SLC34A1: variants seen among roughly 807,000 people sequenced by gnomAD.
The protein encoded by SLC34A1 is sodium-dependent phosphate transport protein 2A.
In SLC34A1, 57 loss-of-function variants were observed where a neutral mutation model predicts 51.4. The ratio of observed to expected loss-of-function variants is 1.11; its 90% CI spans 0.90 to 1.38. SLC34A1 has a LOEUF of 1.38. Ranked by LOEUF, SLC34A1 falls within the 40% of genes most tolerant of loss-of-function variation. The pLI is 0.00. For synonymous variants in SLC34A1, 368 were observed against 358.0 expected, an observed-to-expected ratio of 1.03 and a Z score of -0.32; for missense variants, 796 against 835.6, an observed-to-expected ratio of 0.95 and a Z score of 0.58.
In SLC34A1 at chr5:177,386,498, T is replaced by G; in HGVS notation, c.464T>G (p.Leu155Arg). ...NPVAGLVVGI[L>R]VTVLVQSSST... Reference sequence around the variant, plus strand: ...GTGGCCGGGCTGGTGGTGGGGATCCTGGTGACCGTGCTGGTGCAGAGCTCC... The same window carrying G: ...GTGGCCGGGCTGGTGGTGGGGATCCGGGTGACCGTGCTGGTGCAGAGCTCC... The change falls in exon 5 of 13, where the codon CTG becomes CGG. Residue 155 changes from leucine (L) to arginine (R), a missense_variant. Coordinates refer to ENST00000324417, the MANE Select transcript of SLC34A1 (RefSeq NM_003052.5). This position sits in a 1 kb window ranked among gnomAD's most constrained non-coding sequence, Gnocchi z 4.8. The G allele has an allele frequency of 1.2e-6, 2 of 1,614,200 alleles. No individual in the cohort carries two copies. The highest frequency in any genetic ancestry group is 1.7e-6 in the Non-Finnish European group (2 of 1,180,030).
At position 177,393,692 on chromosome 5, in the gene SLC34A1, A is replaced by C. The variant is rs754825865; in HGVS notation, c.937-2A>C. On this transcript the variant is annotated splice_acceptor_variant, in intron 8 of 12. Coordinates refer to ENST00000324417, the MANE Select transcript of SLC34A1 (RefSeq NM_003052.5). LOFTEE classifies it high-confidence loss of function. ...CACTAAGTCACCCTCCTCCTGATCT[A>C]GGCTCCCACCTCCATGTCCAGAGCA... is the stretch of plus-strand genomic sequence containing the variant. 53 of 1,613,978 alleles carry C rather than the reference A, an allele frequency of 3.3e-5. 1 individual carries two copies. In the South Asian group the frequency reaches 5.7e-4, roughly 17 times the overall value.
In SLC34A1 at chr5:177,387,825, A is replaced by G. The variant is rs1232903063; in HGVS notation, c.596A>G (p.Asn199Ser). ...TCCAACATCGGCACCTCTGTCACCA[A>G]CACCATCGTGGCCCTGATGCAGGCG... The part of the protein sequence containing the change: ...MGSNIGTSVT[N>S]TIVALMQAGD... The change falls in exon 6 of 13, where the codon AAC (asparagine) becomes AGC (serine). Residue 199 changes from asparagine (N) to serine (S), a missense_variant. Transcript: ENST00000324417. 2 of 1,598,930 alleles carry G rather than the reference A, an allele frequency of 1.3e-6. No individual in the cohort carries two copies. Among genetic ancestry groups the G allele is most frequent in the Non-Finnish European group, 1.7e-6 (2 of 1,173,486 alleles).
chr5:177,394,217 G>A, intron 10 of SLC34A1, 22 bp downstream of exon 10: 1 of 1,613,474 alleles, frequency 6.2e-7, no homozygotes. Flanking sequence ...GCAGTTGACT[G>A]GGCAGGGCCA....
chr5:177,393,589 C>T (rs1762873532), intron 8 of SLC34A1, 105 bp from the exon 9 acceptor site: 5 of 1,039,722 alleles, frequency 4.8e-6, no homozygotes, highest in African/African-American at 1.6e-5. Flanking sequence ...GGTCACAGAG[C>T]AGGAGGCCCA....
chr5:177,386,621 G>C lies in SLC34A1; in HGVS notation c.532+55G>C. 1 of 1,607,606 alleles carries C rather than the reference G, an allele frequency of 6.2e-7. No homozygotes were observed. The highest frequency in any genetic ancestry group is 8.5e-7 in the Non-Finnish European group (1 of 1,177,604). ...CTTGGAGGGGCACCCCAGGAGCTGGGAAGGGTGGCAAATGGGGAGCGTGAC... is the reference window on the plus strand; with the variant it reads ...CTTGGAGGGGCACCCCAGGAGCTGGCAAGGGTGGCAAATGGGGAGCGTGAC... On this transcript the variant is annotated intron_variant, in intron 5 of 12. Transcript: ENST00000324417. The surrounding 1 kb of genome is among the most constrained non-coding windows in gnomAD (Gnocchi z 4.8).
chr5:177,394,116 C>T lies in SLC34A1; in HGVS notation c.1095C>T (p.Cys365=). The T allele has an allele frequency of 6.2e-7, 1 of 1,614,054 alleles. No individual in the cohort carries two copies. The highest frequency in any genetic ancestry group is 8.5e-7 in the Non-Finnish European group (1 of 1,179,976). ...GATCCCTGGTGCTGCTGTGCACCTG[C>T]CTCATCCTCCTAGTCAAGATGCTCA... The part of the protein sequence containing the change: ...LAGSLVLLCT[C]LILLVKMLNS... The change falls in exon 10 of 13, where the codon TGC becomes TGT. Residue 365 remains cysteine (C), a synonymous_variant. Coordinates refer to ENST00000324417, the MANE Select transcript of SLC34A1 (RefSeq NM_003052.5).
chr5:177,389,924 A>G, intron 8 of SLC34A1: 1 of 1,422,562 alleles, frequency 7.0e-7, no homozygotes, highest in Non-Finnish European at 9.2e-7. Context: ...CGCTTTCTGC[A>G]GGGCAGGGTC....
chr5:177,397,683 G>A lies in SLC34A1; in HGVS notation c.1417-100G>A, dbSNP rs1416717409. The A allele has an allele frequency of 2.6e-6, 4 of 1,526,354 alleles. No individual in the cohort carries two copies. The Admixed American group carries it at 5.0e-5, about 19-fold the overall frequency. 94.6% of individuals were successfully genotyped at this position (1,526,354 alleles called of 1,614,324 possible). ...ACCCCTAAGTGGAAACTTTCCTGCTGCCCAGACCAGATCGGGGTTCCTATC... is the reference window on the plus strand; with the variant it reads ...ACCCCTAAGTGGAAACTTTCCTGCTACCCAGACCAGATCGGGGTTCCTATC... On this transcript the variant is annotated intron_variant, in intron 12 of 12. Transcript: ENST00000324417.
intron 10 of SLC34A1, 64 bp downstream of exon 10, chr5:177,394,259 C>T: frequency 6.6e-7 from 1 of 1,511,836 alleles, no homozygotes; most frequent in Non-Finnish European, 9.2e-7. Flanking sequence ...CTGCTAAGTC[C>T]TGTGACTGCC....
At position 177,396,320 on chromosome 5, in the gene SLC34A1, G is replaced by C. The variant is rs992904940; in HGVS notation, c.1175-413G>C. On this transcript the variant is annotated intron_variant, in intron 10 of 12. Transcript: ENST00000324417. The surrounding 1 kb of genome is among the most constrained non-coding windows in gnomAD (Gnocchi z 4.0). ...CCCATCAAAGGCACAGTTGCCTGAC[G>C]GAGCCAGGCTGAGAAAGGCCTTCAA... 2.0e-5 allele frequency among the ~76,000 whole-genome samples: 3 copies of C among 152,200 alleles called. No homozygotes were observed. The highest frequency in any genetic ancestry group is 1.3e-4 in the Admixed American group (2 of 15,290).
rs951100643 is a variant in SLC34A1 at position 177,389,843 on chromosome 5, T to G, written c.936+1471T>G. On this transcript the variant is annotated intron_variant, in intron 8 of 12. Transcript: ENST00000324417. The stretch of plus-strand genomic sequence containing the variant: ...TGGGGAGGCCGCCCTTGGGCCTTTC[T>G]CTACGGCTGCAGCTGACACTTGTCC... The G allele has an allele frequency of 3.4e-6, 5 of 1,484,278 alleles. No homozygotes were observed. The African/African-American group carries it at 5.6e-5, about 17-fold the overall frequency. 91.9% of individuals were successfully genotyped at this position (1,484,278 alleles called of 1,614,324 possible).
rs1047240450 is a variant in SLC34A1, at chr5:177,385,775, G to A, written c.34G>A (p.Ala12Thr). ...LSYGERLGSPAVSPLPVRGGH... is the reference protein window; with the variant it reads ...LSYGERLGSPTVSPLPVRGGH... ...CTACGGAGAGAGGCTGGGGTCCCCT[G>A]CTGTCTCCCCACTCCCAGTCCGTGG... Residue 12 changes from alanine (A) to threonine (T), a missense_variant, in exon 2 of 13, where the codon GCT becomes ACT. Physicochemically the swap from Ala to Thr is moderately conservative, Grantham distance 58 (BLOSUM62 0). Coordinates refer to ENST00000324417, the MANE Select transcript of SLC34A1 (RefSeq NM_003052.5). The A allele has an allele frequency of 1.7e-5, 27 of 1,612,938 alleles. No homozygotes were observed. The highest frequency in any genetic ancestry group is 6.7e-5 in the Admixed American group (4 of 59,938).
Position 177,385,696 on chromosome 5 carries a change from G to C in SLC34A1, c.-46G>C. ...CCGGACACAGCTATTGTCATTCAGC[G>C]TTGCTGAGACCCACTGACCTGCAGA... On this transcript the variant is annotated splice_region_variant and 5_prime_UTR_variant, in exon 2 of 13. Transcript: ENST00000324417. 1 of 1,374,540 alleles carries C rather than the reference G, an allele frequency of 7.3e-7. No individual in the cohort carries two copies. Among genetic ancestry groups the C allele is most frequent in the Non-Finnish European group, 1.0e-6 (1 of 970,436 alleles). 85.1% of individuals were successfully genotyped at this position (1,374,540 alleles called of 1,614,324 possible).
In SLC34A1 at chr5:177,396,655, C is replaced by G; in HGVS notation, c.1175-78C>G. The G allele has an allele frequency of 8.1e-7, 1 of 1,233,926 alleles. No homozygotes were observed. Among genetic ancestry groups the G allele is most frequent in the South Asian group, 1.2e-5 (1 of 83,234 alleles). The allele number at this position is 1,233,926 out of a possible 1,614,324, so 76.4% of individuals were successfully genotyped here. On this transcript the variant is annotated intron_variant, in intron 10 of 12. Transcript: ENST00000324417. The surrounding 1 kb of genome is among the most constrained non-coding windows in gnomAD (Gnocchi z 4.0). ...CAGTGCCCCCGCGGAGGTCCGCTCT[C>G]CCAGTGCCCCCGCGGAGGTCTGCTC...
At chr5:177,393,897 G>C (rs1762881327) in intron 9 of SLC34A1, 131 bp from the exon 10 acceptor site, 6 of 1,485,590 alleles carry the variant, frequency 4.0e-6, no homozygotes, top group Admixed American at 1.7e-5. Flanking sequence ...TCCTGAGCCT[G>C]GGTCAAGCTC....
rs1411770332 is a variant in SLC34A1 at position 177,387,879 on chromosome 5, G to A, written c.644+6G>A. 1.2e-6 allele frequency: 2 copies of A among 1,609,820 alleles called. No individual in the cohort carries two copies. The highest frequency in any genetic ancestry group is 1.7e-6 in the Non-Finnish European group (2 of 1,177,858). Reference sequence around the variant, plus strand: ...GACAGGACTGACTTCCGGCGGTGAGGGGGGCTGGGGGTTGGGGGCTCGTGC... The same window carrying A: ...GACAGGACTGACTTCCGGCGGTGAGAGGGGCTGGGGGTTGGGGGCTCGTGC... On this transcript the variant is annotated splice_donor_region_variant and intron_variant, in intron 6 of 12. Coordinates refer to ENST00000324417, the MANE Select transcript of SLC34A1 (RefSeq NM_003052.5).
Position 177,388,304 on chromosome 5 carries a change from G to C in SLC34A1, c.868G>C (p.Ala290Pro), listed in dbSNP as rs770041564. ...GGACGAGTCTGTGATAACCAGCATTGCCACTGGTGATGAGTCCCTGAGGAA... is the reference window on the plus strand; with the variant it reads ...GGACGAGTCTGTGATAACCAGCATTCCCACTGGTGATGAGTCCCTGAGGAA... ...QLDESVITSIATGDESLRNHS... is the reference protein window; with the variant it reads ...QLDESVITSIPTGDESLRNHS... Residue 290 changes from alanine to proline, a missense_variant, in exon 8 of 13, where the codon GCC becomes CCC. Transcript: ENST00000324417. This position sits in a 1 kb window ranked among gnomAD's most constrained non-coding sequence, Gnocchi z 4.3. The C allele has an allele frequency of 9.3e-6, 15 of 1,614,172 alleles. No homozygotes were observed.
In SLC34A1 at chr5:177,386,363, G is replaced by A. The variant is rs1762572435; in HGVS notation, c.388+14G>A. ...AGCTGGCTGGAGGTAGGGCCCGGGT[G>A]GAGGAGACCTGGGAGGGGTTCCTGA... On this transcript the variant is annotated intron_variant, in intron 4 of 12. Transcript: ENST00000324417. This position sits in a 1 kb window ranked among gnomAD's most constrained non-coding sequence, Gnocchi z 4.8. 7.4e-6 allele frequency: 12 copies of A among 1,614,138 alleles called. No individual in the cohort carries two copies. The highest frequency in any genetic ancestry group is 1.3e-5 in the African/African-American group (1 of 74,954).
chr5:177,390,200 C>T, intron 8 of SLC34A1: 1 of 997,714 alleles, frequency 1.0e-6, no homozygotes, highest in Non-Finnish European at 1.2e-6. Flanking sequence ...GGAAGCTATG[C>T]ACCAGGGAGA....
Sources: gnomAD v4.1 joint callset for allele counts (sites outside exome capture counted in the v4.1 genomes callset) on GRCh38, gnomAD v4.1.1 for gene constraint, Gnocchi (gnomAD v3.1) non-coding constraint, MANE v1.5 for transcripts, NCBI Gene and HGNC (gene_info 2026-07-23, HGNC 2026-07-21) for gene names.